The following SRGAP2C variants were observed in gnomAD, a reference collection of about 807,000 sequenced individuals.
The protein encoded by SRGAP2C is SLIT-ROBO Rho GTPase-activating protein 2C.
Under a neutral mutation model 25.1 loss-of-function variants are expected in SRGAP2C, and 15 were observed. The observed-to-expected ratio is 0.60, with a 90% CI of 0.40 to 0.92. The LOEUF (loss-of-function observed/expected upper bound fraction) is 0.92, where lower values mean the gene tolerates loss of function less well. SRGAP2C is among the 40% of genes least tolerant of loss of function. The pLI is 0.00. For missense variants in SRGAP2C, 144 were observed against 264.4 expected (o/e 0.54, Z 3.16); for synonymous variants, 44 against 96.6 (o/e 0.46, Z 3.19).
chr1:121,385,968 G>A (rs1443680710), intron 8 of SRGAP2C, among the ~76,000 whole-genome samples: 108 of 149,078 alleles, frequency 7.2e-4, no homozygotes, highest in African/African-American at 2.4e-3. Context: ...ATACCCTCTC[G>A]GGCCCTCTAG....
intron 2 of SRGAP2C, among the ~76,000 whole-genome samples, chr1:121,284,145 G>A (rs1181407830): frequency 1.3e-5 from 2 of 151,990 alleles, no homozygotes; most frequent in African/African-American, 2.4e-5. Context: ...CTGATTGACA[G>A]TGAATGGTTT....
chr1:121,271,491 T>G (rs1656958776), intron 2 of SRGAP2C, among the ~76,000 whole-genome samples: 1 of 151,930 alleles, frequency 6.6e-6, no homozygotes, highest in South Asian at 2.1e-4. Flanking sequence ...AAGTGAAACT[T>G]AGGCCCTTTC....
At chr1:121,357,451 T>G (rs1235122010) in intron 4 of SRGAP2C, among the ~76,000 whole-genome samples, 2 of 151,688 alleles carry the variant, frequency 1.3e-5, no homozygotes, top group African/African-American at 4.9e-5. Context: ...TTATTTTCAT[T>G]CTGCCACCCC....
At chr1:121,359,941 T>TA (rs1659151293) in intron 4 of SRGAP2C, among the ~76,000 whole-genome samples, 1 of 152,050 alleles carries the variant, frequency 6.6e-6, no homozygotes, top group Admixed American at 6.5e-5. Flanking sequence ...CAGCACTCTG[T>TA]AAAAATGCAC....
intron 7 of SRGAP2C, 29 bp downstream of exon 7, chr1:121,374,983 G>T (rs782216072): frequency 3.9e-6 from 3 of 768,668 alleles, no homozygotes; most frequent in Admixed American, 3.5e-5. Flanking sequence ...GGGCCTGAGG[G>T]CCCCTCTTTT....
intron 2 of SRGAP2C, among the ~76,000 whole-genome samples, chr1:121,212,690 C>G (rs371744847): frequency 1.3e-5 from 2 of 151,308 alleles, no homozygotes; most frequent in East Asian, 1.9e-4. Context: ...CAGCTGGGTA[C>G]AAAACCACCT....
In SRGAP2C at chr1:121,346,970, GC is replaced by G. The variant is rs1658761377; in HGVS notation, c.424-18322del. Among the ~76,000 whole-genome samples the G allele has an allele frequency of 2.0e-5, 3 of 152,122 alleles. No homozygotes were observed. In the South Asian group the frequency reaches 6.2e-4, roughly 32 times the overall value. On this transcript the variant is annotated intron_variant, in intron 4 of 9. Coordinates refer to ENST00000367123, the MANE Select transcript of SRGAP2C (RefSeq NM_001329984.2). ...ATAATACTCACACTTCAAATGTTTG[GC>G]TTGGTGTCCACAAATCAACTCAGGG...
At chr1:121,345,897 C>T (rs1427052821) in intron 4 of SRGAP2C, among the ~76,000 whole-genome samples, 4 of 131,420 alleles carry the variant, frequency 3.0e-5, no homozygotes, top group African/African-American at 1.1e-4. Flanking sequence ...GTGATCCACC[C>T]GCCTCGGCCT....
At chr1:121,286,466 C>G (rs1482640538) in intron 3 of SRGAP2C, among the ~76,000 whole-genome samples, 1 of 151,534 alleles carries the variant, frequency 6.6e-6, no homozygotes, top group African/African-American at 2.4e-5. Flanking sequence ...CTATGTTGCC[C>G]AGTTTGGTCT....
chr1:121,272,301 T>C (rs1457536121), intron 2 of SRGAP2C, among the ~76,000 whole-genome samples: 3 of 151,024 alleles, frequency 2.0e-5, no homozygotes, highest in Admixed American at 6.6e-5. Flanking sequence ...TTTTACAGAA[T>C]AGGGACATTC....
chr1:121,186,567 G>A (rs1199082923), intron 1 of SRGAP2C, among the ~76,000 whole-genome samples: 7 of 149,386 alleles, frequency 4.7e-5, no homozygotes, highest in Non-Finnish European at 9.0e-5. Flanking sequence ...CGGGGGCTAG[G>A]TCGGGAGGGC....
intron 2 of SRGAP2C, among the ~76,000 whole-genome samples, chr1:121,266,465 A>G (rs1459171169): frequency 6.6e-6 from 1 of 151,960 alleles, no homozygotes; most frequent in Non-Finnish European, 1.5e-5. Context: ...CTCACTTGAT[A>G]TATCTGAGGC....
At position 121,389,107 on chromosome 1, in the gene SRGAP2C, T is replaced by C. The variant is rs192914303; in HGVS notation, c.*1252T>C. On this transcript the variant is annotated 3_prime_UTR_variant, in exon 10 of 10. Transcript: ENST00000367123. ...AAAAAATAGGACACTGCTGTACATA[T>C]TGTTTTACAATCTAAGTCATATAAT... 3.8e-3 allele frequency: 583 copies of C among 152,250 alleles called. 5 individuals carry two copies. Among genetic ancestry groups the C allele is most frequent in the African/African-American group, 0.013 (537 of 41,556 alleles). The allele number at this position is 152,250 out of a possible 1,614,324, so 9.4% of individuals were successfully genotyped here. A position where few individuals can be genotyped will look rare whatever the true frequency, so the allele number is the denominator to read the frequency against.
intron 3 of SRGAP2C, among the ~76,000 whole-genome samples, chr1:121,315,439 C>T (rs1380994268): frequency 2.0e-5 from 3 of 148,710 alleles, no homozygotes; most frequent in Non-Finnish European, 4.5e-5. Flanking sequence ...GTTCAAGGCG[C>T]TTTCCACAGA....
chr1:121,368,091 A>G lies in SRGAP2C; in HGVS notation c.486+2736A>G, dbSNP rs1343940438. On this transcript the variant is annotated intron_variant, in intron 5 of 9. Coordinates refer to ENST00000367123, the MANE Select transcript of SRGAP2C (RefSeq NM_001329984.2). ...ACTCTGTCTCAAAAAAAAAAAAAAG[A>G]AAAAGGAAAAAAAGAGAAAGTTCAG... 8.6e-5 allele frequency among the ~76,000 whole-genome samples: 7 copies of G among 81,342 alleles called. No homozygotes were observed. In the South Asian group the frequency reaches 1.9e-3, roughly 22 times the overall value. The allele number at this position is 81,342 out of a possible 152,430, so 53.4% of individuals were successfully genotyped here.
chr1:121,258,599 G>A (rs1656537822), intron 2 of SRGAP2C, among the ~76,000 whole-genome samples: 1 of 150,896 alleles, frequency 6.6e-6, no homozygotes, highest in African/African-American at 2.4e-5. Context: ...CTGAGTAGCT[G>A]GGATTACAGG....
chr1:121,233,215 T>G (rs1655864094), intron 2 of SRGAP2C, among the ~76,000 whole-genome samples: 1 of 109,392 alleles, frequency 9.1e-6, no homozygotes, highest in Non-Finnish European at 1.9e-5. Flanking sequence ...GGTGCGATCT[T>G]GGCTCATTGC....
intron 4 of SRGAP2C, among the ~76,000 whole-genome samples, chr1:121,346,937 T>C (rs1265506380): frequency 6.6e-6 from 1 of 152,110 alleles, no homozygotes; most frequent in African/African-American, 2.4e-5. Flanking sequence ...TTTGACTCCT[T>C]CTGGCCCATA....
chr1:121,305,266 G>A (rs1264839988), intron 3 of SRGAP2C, among the ~76,000 whole-genome samples: 1 of 150,312 alleles, frequency 6.7e-6, no homozygotes, highest in Non-Finnish European at 1.5e-5. Flanking sequence ...CTGTTTACCA[G>A]CAGCTCATGT....
Sources: allele counts gnomAD v4.1 joint callset (sites outside exome capture counted in the v4.1 genomes callset), GRCh38; gene constraint gnomAD v4.1.1; transcripts MANE v1.5; gene names NCBI Gene and HGNC (gene_info 2026-07-23, HGNC 2026-07-21).